The following PTPRG variants were observed in gnomAD, a reference collection of about 807,000 sequenced individuals.
The protein encoded by PTPRG is receptor-type tyrosine-protein phosphatase gamma.
In PTPRG, 102 loss-of-function variants were observed where a neutral mutation model predicts 165.3. That is an observed-to-expected ratio of 0.62 (90% CI 0.53 to 0.73). The LOEUF (loss-of-function observed/expected upper bound fraction) is 0.73. Ranked by LOEUF, PTPRG falls within the 30% of genes least tolerant of loss-of-function variation. The pLI is 0.00. For missense variants in PTPRG, 1,866 were observed against 1,861.4 expected (o/e 1.00, Z -0.05); for synonymous variants, 675 against 669.5 (o/e 1.01, Z -0.13).
At chr3:62,119,953 C>T (rs1703004926) in intron 5 of PTPRG, among the ~76,000 whole-genome samples, 1 of 151,968 alleles carries the variant, frequency 6.6e-6, no homozygotes, top group Non-Finnish European at 1.5e-5. Flanking sequence ...TTTAAAAGCT[C>T]ATTCTGACTC....
rs1559670226 is a variant in PTPRG at position 61,887,157 on chromosome 3, TATATATATATATA to T, written c.191-102467_191-102455del. The stretch of plus-strand genomic sequence containing the variant: ...ATATATATATATATATATATATATA[TATATATATATATA>T]TTTTTAATGCCATCATCAAACACTC... On this transcript the variant is annotated intron_variant, in intron 2 of 29. Coordinates refer to ENST00000474889, the MANE Select transcript of PTPRG (RefSeq NM_002841.4). Among the ~76,000 whole-genome samples the T allele has an allele frequency of 1.1e-4, 10 of 87,096 alleles. 1 individual carries two copies. Among genetic ancestry groups the T allele is most frequent in the East Asian group, 6.0e-4 (2 of 3,316 alleles). The allele number at this position is 87,096 out of a possible 152,430, so 57.1% of individuals were successfully genotyped here.
intron 2 of PTPRG, among the ~76,000 whole-genome samples, chr3:61,942,224 G>A (rs1371756584): frequency 6.6e-6 from 1 of 151,826 alleles, no homozygotes; most frequent in African/African-American, 2.4e-5. Flanking sequence ...TGGCCATGTT[G>A]GAGCTATTCC....
Position 61,957,909 on chromosome 3 carries a change from T to G in PTPRG, c.191-31716T>G, listed in dbSNP as rs760033502. Reference sequence around the variant, plus strand: ...CCCTTTCTTAGTCTGAAAGCAGATGTCTGTATCCACTTACTAACCTGTGAC... The same window carrying G: ...CCCTTTCTTAGTCTGAAAGCAGATGGCTGTATCCACTTACTAACCTGTGAC... On this transcript the variant is annotated intron_variant, in intron 2 of 29. Coordinates refer to ENST00000474889, the MANE Select transcript of PTPRG (RefSeq NM_002841.4). Among the ~76,000 whole-genome samples the G allele has an allele frequency of 4.3e-4, 66 of 152,188 alleles. 1 individual carries two copies. Among genetic ancestry groups the G allele is most frequent in the Non-Finnish European group, 1.3e-4 (9 of 68,022 alleles).
chr3:62,289,361 C>A (rs1702787805), intron 28 of PTPRG, among the ~76,000 whole-genome samples: 1 of 152,144 alleles, frequency 6.6e-6, no homozygotes, highest in Non-Finnish European at 1.5e-5. Context: ...TTAGGGCCCA[C>A]AAGTCCTGGC....
At chr3:62,239,020 G>A (rs1206127503) in intron 14 of PTPRG, among the ~76,000 whole-genome samples, 1 of 152,176 alleles carries the variant, frequency 6.6e-6, no homozygotes, top group Non-Finnish European at 1.5e-5. Flanking sequence ...GGGATGAGAA[G>A]TAAAAGGGCA....
At chr3:62,208,770 C>T (rs1011577903) in intron 12 of PTPRG, among the ~76,000 whole-genome samples, 2 of 152,220 alleles carry the variant, frequency 1.3e-5, no homozygotes, top group South Asian at 2.1e-4. Flanking sequence ...AGGAACTCAA[C>T]GTGAACACCT....
At chr3:61,739,436 C>G (rs1207946088) in intron 1 of PTPRG, among the ~76,000 whole-genome samples, 2 of 152,078 alleles carry the variant, frequency 1.3e-5, no homozygotes, top group African/African-American at 4.8e-5. Context: ...AAATTTTTCA[C>G]TTGTGATGTT....
At position 62,271,568 on chromosome 3, in the gene PTPRG, A is replaced by T. The variant is rs763607278; in HGVS notation, c.3182+13A>T. ...TGGTGCACTGCAGGTAGGGTCTAGG[A>T]TTCAACATGTGAAATAGATGGGGCA... On this transcript the variant is annotated intron_variant, in intron 21 of 29. Coordinates refer to ENST00000474889, the MANE Select transcript of PTPRG (RefSeq NM_002841.4). This position sits in a 1 kb window ranked among gnomAD's most constrained non-coding sequence, Gnocchi z 4.1. 3 of 1,608,266 alleles carry T rather than the reference A, an allele frequency of 1.9e-6. No individual in the cohort carries two copies. In the South Asian group the frequency reaches 3.3e-5, roughly 18 times the overall value.
chr3:62,040,617 C>T (rs1700096222), intron 4 of PTPRG, among the ~76,000 whole-genome samples: 1 of 152,168 alleles, frequency 6.6e-6, no homozygotes, highest in Admixed American at 6.5e-5. Flanking sequence ...CCACGCCCAG[C>T]TAATTTTTTG....
At chr3:61,722,017 G>A (rs1437028648) in intron 1 of PTPRG, among the ~76,000 whole-genome samples, 3 of 152,000 alleles carry the variant, frequency 2.0e-5, no homozygotes, top group African/African-American at 7.2e-5. Context: ...AGACCAATTC[G>A]GGCCCTTGAG....
At chr3:62,225,211 G>C (rs572471077) in intron 13 of PTPRG, among the ~76,000 whole-genome samples, 50 of 152,264 alleles carry the variant, frequency 3.3e-4, no homozygotes, top group African/African-American at 1.2e-3. Flanking sequence ...CAAGAGCTTC[G>C]CATCCCCTGC....
chr3:61,611,918 G>C (rs150769032), intron 1 of PTPRG, among the ~76,000 whole-genome samples: 3 of 152,306 alleles, frequency 2.0e-5, no homozygotes, highest in Non-Finnish European at 2.9e-5. Context: ...CAGCAGGTCA[G>C]AGTTTGTTAA....
chr3:61,962,556 A>G (rs1211774237), intron 2 of PTPRG, among the ~76,000 whole-genome samples: 1 of 152,096 alleles, frequency 6.6e-6, no homozygotes, highest in Non-Finnish European at 1.5e-5. Context: ...TTTTATATCC[A>G]CAGTCACATT....
At chr3:61,617,109 C>A (rs576069104) in intron 1 of PTPRG, among the ~76,000 whole-genome samples, 2 of 152,322 alleles carry the variant, frequency 1.3e-5, no homozygotes, top group Admixed American at 6.5e-5. Flanking sequence ...AGATTTCACT[C>A]TTGAAGTTAA....
chr3:61,610,400 T>C (rs577427232), intron 1 of PTPRG, among the ~76,000 whole-genome samples: 1 of 152,296 alleles, frequency 6.6e-6, no homozygotes, highest in East Asian at 1.9e-4. Flanking sequence ...TGTCATTGTC[T>C]CTTAGATTAC....
At chr3:61,610,791 C>G (rs1701146294) in intron 1 of PTPRG, among the ~76,000 whole-genome samples, 1 of 141,156 alleles carries the variant, frequency 7.1e-6, no homozygotes, top group Admixed American at 7.2e-5. Flanking sequence ...CCCTCTCTCT[C>G]TCCATCTCTC....
At position 62,293,107 on chromosome 3, in the gene PTPRG, T is replaced by C. The variant is rs542928039; in HGVS notation, c.4192-54T>C. On this transcript the variant is annotated intron_variant, in intron 29 of 29. Coordinates refer to ENST00000474889, the MANE Select transcript of PTPRG (RefSeq NM_002841.4). ...CATTTTAATTGGTATTTCCACCTTA[T>C]GTGAAATCACTAAACTGTTCTTTGG... 9.8e-5 allele frequency: 139 copies of C among 1,412,170 alleles called. 1 individual carries two copies. In the South Asian group the frequency reaches 2.1e-3, roughly 21 times the overall value. 87.5% of individuals were successfully genotyped at this position (1,412,170 alleles called of 1,614,324 possible).
intron 6 of PTPRG, among the ~76,000 whole-genome samples, chr3:62,153,289 G>A (rs1354998481): frequency 6.6e-6 from 1 of 152,210 alleles, no homozygotes; most frequent in East Asian, 1.9e-4. Flanking sequence ...ACTGGGCCAG[G>A]AACTATACCA....
intron 6 of PTPRG, among the ~76,000 whole-genome samples, chr3:62,154,675 G>T (rs1704469252): frequency 6.6e-6 from 1 of 152,134 alleles, no homozygotes; most frequent in South Asian, 2.1e-4. Context: ...GTTTGCCGGG[G>T]TTGTCTTGTC....
Sources: allele counts gnomAD v4.1 joint callset (sites outside exome capture counted in the v4.1 genomes callset), GRCh38; gene constraint gnomAD v4.1.1; non-coding constraint Gnocchi (gnomAD v3.1); transcripts MANE v1.5; gene names NCBI Gene and HGNC (gene_info 2026-07-23, HGNC 2026-07-21).